TTBK2: variants seen among roughly 807,000 people sequenced by gnomAD.
The protein encoded by TTBK2 is tau-tubulin kinase 2.
Under a neutral mutation model 110.8 loss-of-function variants are expected in TTBK2, and 28 were observed. The ratio of observed to expected loss-of-function variants is 0.25; its 90% confidence interval spans 0.19 to 0.35. The LOEUF is 0.35. Among genes scored for constraint, TTBK2 ranks in the 10% least tolerant of loss-of-function variants. The probability of loss-of-function intolerance (pLI) is 1.00; values close to 1 mark genes in which losing one functional copy is unlikely to be tolerated. For synonymous variants in TTBK2, 532 were observed against 527.3 expected (o/e 1.01, Z -0.12); for missense variants, 1,369 against 1,500.3 (o/e 0.91, Z 1.45).
chr15:42,871,114 G>T (rs28674880), intron 3 of TTBK2, among the ~76,000 whole-genome samples: 5,919 of 152,112 alleles, frequency 0.039, 127 homozygotes, highest in South Asian at 0.08. Context: ...TATGCAGAAG[G>T]CATAAGTTAG....
intron 7 of TTBK2, among the ~76,000 whole-genome samples, chr15:42,812,004 C>T (rs1891742018): frequency 6.6e-6 from 1 of 152,080 alleles, no homozygotes; most frequent in Non-Finnish European, 1.5e-5. Flanking sequence ...ACAAAGGACA[C>T]TCCAAAACAT....
In TTBK2 at chr15:42,783,705, T is replaced by A. The variant is rs1890277309; in HGVS notation, c.981-70A>T. 3.3e-6 allele frequency: 4 copies of A among 1,228,452 alleles called. No homozygotes were observed. In the African/African-American group the frequency reaches 5.9e-5, roughly 18 times the overall value. The allele number at this position is 1,228,452 out of a possible 1,614,324, so 76.1% of individuals were successfully genotyped here. A position where few individuals can be genotyped will look rare whatever the true frequency, so the allele number is the denominator to read the frequency against. On this transcript the variant is annotated intron_variant, in intron 10 of 14. Coordinates refer to ENST00000267890, the MANE Select transcript of TTBK2 (RefSeq NM_173500.4). Reference sequence around the variant, plus strand: ...ATGAGACTATCTTACATCATTTTATTTCTTCATTTAAATGAACTCCACACA... The same window carrying A: ...ATGAGACTATCTTACATCATTTTATATCTTCATTTAAATGAACTCCACACA...
intron 7 of TTBK2, among the ~76,000 whole-genome samples, chr15:42,815,955 A>AT (rs1396924141): frequency 1.0e-3 from 41 of 40,856 alleles, no homozygotes; most frequent in South Asian, 6.6e-3. Flanking sequence ...TATTTAAAAA[A>AT]AAAATATATA....
At chr15:42,818,505 G>A (rs1892140076) in intron 6 of TTBK2, among the ~76,000 whole-genome samples, 1 of 152,156 alleles carries the variant, frequency 6.6e-6, no homozygotes, top group Non-Finnish European at 1.5e-5. Context: ...AGATCACAAG[G>A]TCAGAAGATA....
At chr15:42,755,095 G>T (rs1053349884) in intron 13 of TTBK2, among the ~76,000 whole-genome samples, 6 of 148,724 alleles carry the variant, frequency 4.0e-5, no homozygotes, top group Non-Finnish European at 8.9e-5. Flanking sequence ...AATTCTATAT[G>T]AATAAGATTC....
chr15:42,772,236 C>G (rs984121217), intron 13 of TTBK2, among the ~76,000 whole-genome samples: 1 of 152,062 alleles, frequency 6.6e-6, no homozygotes, highest in African/African-American at 2.4e-5. Flanking sequence ...TCTCTTCCCC[C>G]ATTTCTGTCT....
rs147575917 is a variant in TTBK2 at position 42,906,169 on chromosome 15, C to T, written c.-68+14269G>A. On this transcript the variant is annotated intron_variant, in intron 1 of 14. Transcript: ENST00000267890. ...CACCATTGCACTTCAGCCTAGGCAA[C>T]AAGAGCGAAACTCCATCTCAAAAAA... Among the ~76,000 whole-genome samples, 1,293 of 151,556 alleles carry T rather than the reference C, an allele frequency of 8.5e-3. 19 individuals carry two copies. The highest frequency in any genetic ancestry group is 0.03 in the African/African-American group (1,223 of 41,308).
chr15:42,791,700 G>A (rs1392079544), intron 10 of TTBK2, among the ~76,000 whole-genome samples: 1 of 152,174 alleles, frequency 6.6e-6, no homozygotes. Context: ...GTCAGTTCTT[G>A]CTTGGATGTT....
At chr15:42,871,613 C>T (rs1002665809) in intron 3 of TTBK2, 2 of 984,762 alleles carry the variant, frequency 2.0e-6, no homozygotes, top group African/African-American at 1.7e-5. Flanking sequence ...GTAGCCTCTA[C>T]ACCACTGAGT....
chr15:42,914,432 C>T (rs575261753), intron 1 of TTBK2, among the ~76,000 whole-genome samples: 2 of 152,270 alleles, frequency 1.3e-5, no homozygotes, highest in South Asian at 4.1e-4. Flanking sequence ...CTTGGAACAC[C>T]TCTTTCTTGT....
chr15:42,859,506 G>A (rs1207068476), intron 3 of TTBK2, among the ~76,000 whole-genome samples: 1 of 151,956 alleles, frequency 6.6e-6, no homozygotes, highest in Non-Finnish European at 1.5e-5. Context: ...GGGTGCGGGG[G>A]GACTAGAAGC....
At position 42,830,452 on chromosome 15, in the gene TTBK2, T is replaced by C. The variant is rs572430146; in HGVS notation, c.292-374A>G. Among the ~76,000 whole-genome samples the C allele has an allele frequency of 1.1e-4, 16 of 152,164 alleles. No homozygotes were observed. The South Asian group carries it at 2.7e-3, about 26-fold the overall frequency. Reference sequence around the variant, plus strand: ...ATCCACCTGCCTCAGCCTCCCAAAGTGCTGGGATTACAGGCATGAACCACT... The same window carrying C: ...ATCCACCTGCCTCAGCCTCCCAAAGCGCTGGGATTACAGGCATGAACCACT... On this transcript the variant is annotated intron_variant, in intron 4 of 14. Coordinates refer to ENST00000267890, the MANE Select transcript of TTBK2 (RefSeq NM_173500.4).
At chr15:42,790,854 C>G (rs1890639103) in intron 10 of TTBK2, among the ~76,000 whole-genome samples, 2 of 151,996 alleles carry the variant, frequency 1.3e-5, no homozygotes, top group Admixed American at 1.3e-4. Flanking sequence ...TGTGCGCCAT[C>G]ATGCCCAGCT....
chr15:42,918,947 TTA>T (rs576186727), intron 1 of TTBK2, among the ~76,000 whole-genome samples: 322 of 152,304 alleles, frequency 2.1e-3, no homozygotes, highest in Non-Finnish European at 3.4e-3. Context: ...CAACTTGATA[TTA>T]TATATTAAAT....
intron 2 of TTBK2, among the ~76,000 whole-genome samples, chr15:42,874,301 TA>T (rs1449417914): frequency 1.3e-5 from 2 of 151,962 alleles, no homozygotes; most frequent in African/African-American, 2.4e-5. Flanking sequence ...AATCCTTCTT[TA>T]TTTTTTTATT....
intron 13 of TTBK2, among the ~76,000 whole-genome samples, chr15:42,768,230 C>G (rs972094324): frequency 3.3e-5 from 5 of 152,174 alleles, no homozygotes; most frequent in Non-Finnish European, 4.4e-5. Context: ...TCTCACCACT[C>G]CTATTCAACA....
intron 3 of TTBK2, among the ~76,000 whole-genome samples, chr15:42,861,615 G>T (rs1894161266): frequency 6.6e-6 from 1 of 151,968 alleles, no homozygotes; most frequent in Admixed American, 6.6e-5. Flanking sequence ...AAAGTTTGTA[G>T]CACTAAATGC....
rs2061735567 is a variant in TTBK2 at position 42,739,175 on chromosome 15, G to A, written c.*6620C>T. 6.6e-6 allele frequency: 1 copy of A among 152,200 alleles called. No homozygotes were observed. The highest frequency in any genetic ancestry group is 1.5e-5 in the Non-Finnish European group (1 of 68,050). 9.4% of individuals were successfully genotyped at this position (152,200 alleles called of 1,614,324 possible). A position where few individuals can be genotyped will look rare whatever the true frequency, so the allele number is the denominator to read the frequency against. ...CGATACTCTGTCCTTGGTTGCCTGA[G>A]CAAAATTGTATAAAGGGAGCTGCTT... On this transcript the variant is annotated 3_prime_UTR_variant, in exon 15 of 15. Transcript: ENST00000267890.
chr15:42,787,890 A>G (rs918346906), intron 10 of TTBK2, among the ~76,000 whole-genome samples: 10 of 152,144 alleles, frequency 6.6e-5, no homozygotes, highest in Non-Finnish European at 1.3e-4. Flanking sequence ...TCATTATCCA[A>G]ATGATCACAG....
Sources: allele counts gnomAD v4.1 joint callset (sites outside exome capture counted in the v4.1 genomes callset), GRCh38; gene constraint gnomAD v4.1.1; transcripts MANE v1.5; gene names NCBI Gene and HGNC (gene_info 2026-07-23, HGNC 2026-07-21).